UNC45A: variants seen among roughly 807,000 people sequenced by gnomAD.
UNC45A encodes the protein protein unc-45 homolog A.
A neutral mutation model predicts 103.2 loss-of-function variants in UNC45A; 78 were observed. The observed-to-expected ratio is 0.76, with a 90% CI of 0.63 to 0.91. The LOEUF is 0.91. UNC45A is among the 40% of genes least tolerant of loss of function. The pLI is 0.00. For missense variants in UNC45A, 1,193 were observed against 1,224.8 expected (o/e 0.97, Z 0.39); for synonymous variants, 495 against 504.6 (o/e 0.98, Z 0.25).
intron 5 of UNC45A, 24 bp from the exon 6 acceptor site, chr15:90,940,282 T>C (rs1216943661): frequency 1.9e-6 from 3 of 1,604,372 alleles, no homozygotes; most frequent in Non-Finnish European, 2.6e-6. Flanking sequence ...GTGTCAACAT[T>C]ATAATGTGCT....
At chr15:90,938,382 T>A (rs946103043) in intron 4 of UNC45A, among the ~76,000 whole-genome samples, 1 of 152,210 alleles carries the variant, frequency 6.6e-6, no homozygotes, top group Admixed American at 6.5e-5. Context: ...GATAACATGA[T>A]GGCAGACACC....
upstream of UNC45A, chr15:90,931,435 C>T (rs1209448911): frequency 6.2e-7 from 1 of 1,609,720 alleles, no homozygotes; most frequent in African/African-American, 1.3e-5. Context: ...AACTTGCTAG[C>T]GTGATGTCAA....
At chr15:90,947,486 A>G in intron 10 of UNC45A, 1 of 397,048 alleles carries the variant, frequency 2.5e-6, no homozygotes, top group Non-Finnish European at 4.7e-6. Flanking sequence ...CCACCTGCAG[A>G]GGGCTTCTTT....
At chr15:90,934,812 T>C (rs1002059001), upstream of UNC45A, 16 of 411,610 alleles carry the variant, frequency 3.9e-5, no homozygotes, top group Admixed American at 5.0e-4. Context: ...AATGTGTGTA[T>C]GTAAGACGAC....
intron 6 of UNC45A, 87 bp from the exon 7 acceptor site, chr15:90,942,350 G>A: frequency 6.8e-7 from 1 of 1,473,584 alleles, no homozygotes; most frequent in South Asian, 1.3e-5. Flanking sequence ...TCTCCTTCTG[G>A]CCGTATCCTC....
chr15:90,936,056 C>G, intron 3 of UNC45A, 74 bp downstream of exon 3: 1 of 1,597,308 alleles, frequency 6.3e-7, no homozygotes, highest in South Asian at 1.1e-5. Context: ...ACCGCTGCAC[C>G]GTCACATTCT....
rs1484279962 is a variant in UNC45A, at chr15:90,948,667, C to T, written c.1751C>T (p.Ser584Leu). 1.2e-6 allele frequency: 2 copies of T among 1,613,864 alleles called. No homozygotes were observed. The highest frequency in any genetic ancestry group is 2.7e-5 in the African/African-American group (2 of 74,920). ...GTGTCCTGGCAGTTGGAGGAGAGGT[C>T]AGTGCTCTTTGCGGTGGCCTCAGCG... ...LFQLSRLEERSVLFAVASALV... is the reference protein window; with the variant it reads ...LFQLSRLEERLVLFAVASALV... Residue 584 changes from serine to leucine, a missense_variant, in exon 13 of 20, where the codon TCA (serine) becomes TTA (leucine). Transcript: ENST00000418476.
chr15:90,935,858 C>A, intron 2 of UNC45A, 88 bp from the exon 3 acceptor site: 1 of 1,598,454 alleles, frequency 6.3e-7, no homozygotes, highest in Non-Finnish European at 8.5e-7. Flanking sequence ...GATCGGGTGA[C>A]CTTGGAGAGC....
chr15:90,946,942 G>GGGGGC, intron 10 of UNC45A, 28 bp downstream of exon 10: 3 of 817,412 alleles, frequency 3.7e-6, no homozygotes, highest in East Asian at 3.3e-5. Flanking sequence ...GGGTGGGTGG[G>GGGGGC]CAGGCAGCCA....
intron 8 of UNC45A, among the ~76,000 whole-genome samples, chr15:90,944,519 C>T (rs2036463260): frequency 6.6e-6 from 1 of 152,090 alleles, no homozygotes; most frequent in African/African-American, 2.4e-5. Context: ...TCACAGTGGT[C>T]CCACGAGGTG....
chr15:90,932,575 G>A (rs757843254), upstream of UNC45A: 167 of 1,202,580 alleles, frequency 1.4e-4, no homozygotes, highest in Non-Finnish European at 1.6e-4. Flanking sequence ...GGCCGCAGGG[G>A]CAGGGACGGA....
chr15:90,935,686 C>A lies in UNC45A; in HGVS notation c.194C>A (p.Ala65Asp). Residue 65 changes from alanine to aspartate, a missense_variant, in exon 2 of 20, where the codon GCC becomes GAC. Ala to Asp is a moderately radical substitution (Grantham distance 126, BLOSUM62 -2). Coordinates refer to ENST00000418476, the MANE Select transcript of UNC45A (RefSeq NM_018671.5). ...CAGGCCGTTCTGCACCGGAACCGGG[C>A]CGCCTGCCACCTCAAGCTGGTGAGG... ...QDQAVLHRNR[A>D]ACHLKLEDYD... 6.4e-7 allele frequency: 1 copy of A among 1,562,254 alleles called. No individual in the cohort carries two copies. The highest frequency in any genetic ancestry group is 8.6e-7 in the Non-Finnish European group (1 of 1,156,882).
Position 90,935,695 on chromosome 15 carries a change from A to G in UNC45A, c.203A>G (p.His68Arg). The G allele has an allele frequency of 1.3e-6, 2 of 1,558,502 alleles. No homozygotes were observed. Among genetic ancestry groups the G allele is most frequent in the East Asian group, 4.5e-5 (2 of 44,188 alleles). Residue 68 changes from histidine (H) to arginine (R), a missense_variant, in exon 2 of 20, where the codon CAC becomes CGC. Transcript: ENST00000418476. The stretch of plus-strand genomic sequence containing the variant: ...CTGCACCGGAACCGGGCCGCCTGCC[A>G]CCTCAAGCTGGTGAGGGAGCCTGGC... ...AVLHRNRAAC[H>R]LKLEDYDKAE...
At position 90,953,522 on chromosome 15, in the gene UNC45A, C is replaced by T. The variant is rs764655561; in HGVS notation, c.2641C>T (p.Arg881Trp). ...LLSSNQELQH[R>W]GAVVVLNMVE... ...GAGCTCCAACCAGGAGCTGCAGCACCGGGGTGCTGTGGTGGTGCTGAACAT... is the reference window on the plus strand; with the variant it reads ...GAGCTCCAACCAGGAGCTGCAGCACTGGGGTGCTGTGGTGGTGCTGAACAT... Residue 881 changes from arginine to tryptophan, a missense_variant, in exon 20 of 20, where the codon CGG becomes TGG. Coordinates refer to ENST00000418476, the MANE Select transcript of UNC45A (RefSeq NM_018671.5). 28 of 1,613,994 alleles carry T rather than the reference C, an allele frequency of 1.7e-5. No individual in the cohort carries two copies. Among genetic ancestry groups the T allele is most frequent in the South Asian group, 5.5e-5 (5 of 91,084 alleles).
chr15:90,949,156 G>A (rs1333784761), intron 13 of UNC45A, among the ~76,000 whole-genome samples, 160 bp from the exon 14 acceptor site: 1 of 152,156 alleles, frequency 6.6e-6, no homozygotes, highest in Non-Finnish European at 1.5e-5. Context: ...GATTACAGGT[G>A]TGAGCCACCG....
Position 90,936,426 on chromosome 15 carries a change from C to A in UNC45A, c.392C>A (p.Ala131Asp), listed in dbSNP as rs201530527. 4 of 1,614,182 alleles carry A rather than the reference C, an allele frequency of 2.5e-6. No homozygotes were observed. Among genetic ancestry groups the A allele is most frequent in the Non-Finnish European group, 3.4e-6 (4 of 1,180,026 alleles). ...CCCAAGAACAAAGTTTTCCAGGAGGCCTTGCGGAACATCGGGGGCCAGATT... is the reference window on the plus strand; with the variant it reads ...CCCAAGAACAAAGTTTTCCAGGAGGACTTGCGGAACATCGGGGGCCAGATT... ...LEPKNKVFQE[A>D]LRNIGGQIQE... is the part of the protein sequence containing the mutation. Residue 131 changes from alanine to aspartate, a missense_variant, in exon 4 of 20, where the codon GCC (alanine) becomes GAC (aspartate). Ala to Asp is a moderately radical substitution (Grantham distance 126). Transcript: ENST00000418476.
chr15:90,950,439 G>A, intron 16 of UNC45A, 61 bp from the exon 17 acceptor site: 2 of 1,573,386 alleles, frequency 1.3e-6, no homozygotes, highest in Non-Finnish European at 1.7e-6. Context: ...CTCCCTGCAG[G>A]GTTGGTGGGG....
upstream of UNC45A, chr15:90,932,451 G>T: frequency 7.4e-7 from 1 of 1,355,822 alleles, no homozygotes; most frequent in Non-Finnish European, 9.5e-7. Context: ...TGATGTAGGG[G>T]GTCCCCTCGG....
At chr15:90,950,389 G>T in intron 16 of UNC45A, 111 bp from the exon 17 acceptor site, 2 of 1,466,250 alleles carry the variant, frequency 1.4e-6, no homozygotes, top group Non-Finnish European at 9.3e-7. Context: ...GGGGCAGGGA[G>T]GACAGCCTGA....
Sources: allele counts gnomAD v4.1 joint callset (sites outside exome capture counted in the v4.1 genomes callset), GRCh38; gene constraint gnomAD v4.1.1; transcripts MANE v1.5; gene names NCBI Gene and HGNC (gene_info 2026-07-23, HGNC 2026-07-21).